COL9A1: variants seen among roughly 807,000 people sequenced by gnomAD.
COL9A1 encodes collagen alpha-1(IX) chain.
In COL9A1, 104 loss-of-function variants were observed where a neutral mutation model predicts 142.6. The observed-to-expected ratio is 0.73, with a 90% CI of 0.62 to 0.86. COL9A1 has a LOEUF of 0.86. Ranked by LOEUF, COL9A1 falls within the 40% of genes least tolerant of loss-of-function variation. The probability of loss-of-function intolerance (pLI) is 0.00; values close to 1 mark genes in which losing one functional copy is unlikely to be tolerated. For missense variants in COL9A1, 1,210 were observed against 1,176.6 expected (o/e 1.03, Z -0.42); for synonymous variants, 466 against 396.0 (o/e 1.18, Z -2.10).
chr6:70,299,986 T>A lies in COL9A1; in HGVS notation c.299+57A>T, dbSNP rs569038661. 19 of 1,495,378 alleles carry A rather than the reference T, an allele frequency of 1.3e-5. No homozygotes were observed. The South Asian group carries it at 2.0e-4, about 16-fold the overall frequency. The allele number at this position is 1,495,378 out of a possible 1,614,324, so 92.6% of individuals were successfully genotyped here. On this transcript the variant is annotated intron_variant, in intron 4 of 37. Transcript: ENST00000357250. Reference sequence around the variant, plus strand: ...AGAAAACTCTAACATTGGATAGCTATCCATTTTTAATGCATTTGAGTCAGA... The same window carrying A: ...AGAAAACTCTAACATTGGATAGCTAACCATTTTTAATGCATTTGAGTCAGA...
At position 70,268,833 on chromosome 6, in the gene COL9A1, A is replaced by T. The variant is rs971866455; in HGVS notation, c.1258T>A (p.Ser420Thr). ...ATGCCTGGTAGGCCTGGATATCCTG[A>T]GCGACCTGGTGGACAGGCATTGGGA... ...LCPNACPPGRSGYPGLPGMRG... is the reference protein window; with the variant it reads ...LCPNACPPGRTGYPGLPGMRG... The change falls in exon 17 of 38, where the codon TCA (serine) becomes ACA (threonine). Residue 420 changes from serine to threonine, a missense_variant. Physicochemically the swap from Ser to Thr is moderately conservative, Grantham distance 58. Coordinates refer to ENST00000357250, the MANE Select transcript of COL9A1 (RefSeq NM_001851.6). The T allele has an allele frequency of 4.3e-6, 7 of 1,613,860 alleles. No individual in the cohort carries two copies. The highest frequency in any genetic ancestry group is 1.3e-5 in the African/African-American group (1 of 74,932).
At chr6:70,278,078 C>A (rs533943372) in intron 10 of COL9A1, among the ~76,000 whole-genome samples, 1 of 152,060 alleles carries the variant, frequency 6.6e-6, no homozygotes, top group Admixed American at 6.6e-5. Context: ...CTTTACAGTT[C>A]CAGATGCCTC....
chr6:70,236,824 T>TC (rs1463408217), intron 33 of COL9A1, among the ~76,000 whole-genome samples: 1 of 139,514 alleles, frequency 7.2e-6, no homozygotes, highest in Non-Finnish European at 1.5e-5. Context: ...TAACAACTTC[T>TC]TTTTTTTTTT....
intron 36 of COL9A1, among the ~76,000 whole-genome samples, chr6:70,227,730 G>A: frequency 6.6e-6 from 1 of 152,180 alleles, no homozygotes; most frequent in Admixed American, 6.5e-5. Context: ...ATAGCAGAAG[G>A]TTGGAAACAA....
intron 21 of COL9A1, among the ~76,000 whole-genome samples, chr6:70,255,835 TGATATAC>T (rs1771253261): frequency 2.4e-4 from 12 of 49,318 alleles, no homozygotes; most frequent in African/African-American, 7.4e-4. Context: ...TTGATATACG[TGATATAC>T]GCTACAGGTG....
chr6:70,265,132 A>G (rs1354391508), intron 18 of COL9A1, among the ~76,000 whole-genome samples: 1 of 152,098 alleles, frequency 6.6e-6, no homozygotes, highest in East Asian at 1.9e-4. Flanking sequence ...TGACATGCCA[A>G]AAAAAATTGT....
intron 37 of COL9A1, among the ~76,000 whole-genome samples, chr6:70,218,967 C>G (rs1168353350): frequency 6.6e-6 from 1 of 152,142 alleles, no homozygotes; most frequent in Admixed American, 6.5e-5. Flanking sequence ...TACTTTCATT[C>G]AACTATACCT....
chr6:70,275,008 A>G, intron 10 of COL9A1: 2 of 536,746 alleles, frequency 3.7e-6, no homozygotes. Flanking sequence ...ACTTCCTGCT[A>G]ACTGCATTGT....
chr6:70,234,007 T>C (rs932075812), intron 35 of COL9A1, among the ~76,000 whole-genome samples: 4 of 152,264 alleles, frequency 2.6e-5, no homozygotes, highest in Non-Finnish European at 4.4e-5. Flanking sequence ...TGATAAGGGT[T>C]AACAAGTATG....
intron 32 of COL9A1, among the ~76,000 whole-genome samples, chr6:70,239,849 C>A (rs1770132987): frequency 6.6e-6 from 1 of 152,098 alleles, no homozygotes; most frequent in Non-Finnish European, 1.5e-5. Flanking sequence ...ATCACGTTAC[C>A]CTATAAAATG....
chr6:70,263,396 T>G, intron 18 of COL9A1, 99 bp from the exon 19 acceptor site: 1 of 935,708 alleles, frequency 1.1e-6, no homozygotes, highest in South Asian at 1.6e-5. Flanking sequence ...TTAAGTTAAC[T>G]TGGTGACTCC....
At chr6:70,249,914 A>G (rs1363520577) in intron 28 of COL9A1, among the ~76,000 whole-genome samples, 1 of 152,130 alleles carries the variant, frequency 6.6e-6, no homozygotes, top group Non-Finnish European at 1.5e-5. Flanking sequence ...TCTGTCCCAC[A>G]ACAAGTGCTC....
intron 29 of COL9A1, 197 bp from the exon 30 acceptor site, chr6:70,242,232 T>G: frequency 3.1e-6 from 2 of 647,646 alleles, no homozygotes; most frequent in Admixed American, 4.3e-5. Context: ...CAGCCTTCAC[T>G]CCACCCTAAG....
Position 70,237,893 on chromosome 6 carries a change from G to A in COL9A1, c.2112+1361C>T, listed in dbSNP as rs55933350. On this transcript the variant is annotated intron_variant, in intron 33 of 37. Coordinates refer to ENST00000357250, the MANE Select transcript of COL9A1 (RefSeq NM_001851.6). ...CTGACTGGGTCCTCCTGGAGAAAGT[G>A]AAGCTGAGGATAGATCGAAATGCTT... is the stretch of plus-strand genomic sequence containing the variant. Among the ~76,000 whole-genome samples, 739 of 152,328 alleles carry A rather than the reference G, an allele frequency of 4.9e-3. 8 individuals are homozygous for A. The highest frequency in any genetic ancestry group is 0.017 in the African/African-American group (711 of 41,580).
At chr6:70,271,734 G>A (rs770573466) in intron 13 of COL9A1, 26 bp from the exon 14 acceptor site, 38 of 1,596,102 alleles carry the variant, frequency 2.4e-5, no homozygotes, top group Non-Finnish European at 3.3e-5. Flanking sequence ...CAAAGCAAAT[G>A]GTCATTTATG....
chr6:70,257,840 G>T (rs922774970), intron 20 of COL9A1, among the ~76,000 whole-genome samples: 3 of 152,186 alleles, frequency 2.0e-5, no homozygotes, highest in African/African-American at 7.2e-5. Context: ...CTGTGAGAGG[G>T]ATTTCTGGGA....
Position 70,274,060 on chromosome 6 carries a change from G to T in COL9A1, c.1052C>A (p.Ser351Ter), listed in dbSNP as rs201035486. ...ACATTTACTTACTGGAAATCCACGC[G>T]ATCCAGGCACACCAGGTTCTCCCTA... ...GQKGEPGVPG[S>*]RGFPGRGIPG... The change falls in exon 12 of 38, where the codon TCG becomes TAG. Residue 351 changes from serine to a stop codon, truncating the protein, a stop_gained. Transcript: ENST00000357250. LOFTEE classifies it high-confidence loss of function. 4 of 1,565,800 alleles carry T rather than the reference G, an allele frequency of 2.6e-6. No homozygotes were observed. Among genetic ancestry groups the T allele is most frequent in the Non-Finnish European group, 3.5e-6 (4 of 1,153,176 alleles).
intron 28 of COL9A1, among the ~76,000 whole-genome samples, 191 bp downstream of exon 28, chr6:70,251,929 C>T (rs1045880568): frequency 2.0e-5 from 3 of 152,124 alleles, no homozygotes; most frequent in Admixed American, 2.0e-4. Flanking sequence ...TTTTGAAGCA[C>T]TTTATTTTTG....
At chr6:70,225,911 T>A in intron 37 of COL9A1, 21 bp downstream of exon 37, 1 of 1,607,322 alleles carries the variant, frequency 6.2e-7, no homozygotes, top group Non-Finnish European at 8.5e-7. Context: ...CCTCCTCCTC[T>A]CAGCTATACA....
Sources: allele counts gnomAD v4.1 joint callset (sites outside exome capture counted in the v4.1 genomes callset), GRCh38; gene constraint gnomAD v4.1.1; transcripts MANE v1.5; gene names NCBI Gene and HGNC (gene_info 2026-07-23, HGNC 2026-07-21).